Variants in CSF2RA observed in about 807,000 individuals in gnomAD.
CSF2RA encodes the protein colony stimulating factor 2 receptor subunit alpha.
CSF2RA carries 42 observed loss-of-function variants against 51.6 expected under a neutral mutation model. The observed-to-expected ratio is 0.81, with a 90% CI of 0.64 to 1.05. The LOEUF (loss-of-function observed/expected upper bound fraction) is 1.05. Among genes scored for constraint, CSF2RA ranks in the 50% least tolerant of loss-of-function variants. CSF2RA has a pLI of 0.00. For synonymous variants in CSF2RA, 222 were observed against 193.0 expected (o/e 1.15, Z -1.24); for missense variants, 530 against 501.1 (o/e 1.06, Z -0.55).
rs1403755623 is a variant in CSF2RA, at chrX:1,285,869, C to G, written c.168C>G (p.Thr56=). The change falls in exon 4 of 13, where the codon ACC becomes ACG. Residue 56 remains threonine (T), a synonymous_variant. Transcript: ENST00000381529. The part of the protein sequence containing the change: ...NLSWDCQENT[T]FSKCFLTDKK... ...GCTGGGACTGCCAAGAAAACACAAC[C>G]TTCAGCAAGTGTTTCTTAACTGACA... 3 of 1,613,926 alleles carry G rather than the reference C, an allele frequency of 1.9e-6. No individual in the cohort carries two copies. The highest frequency in any genetic ancestry group is 1.7e-6 in the Non-Finnish European group (2 of 1,179,874).
At chrX:1,291,999 G>A (rs768286669) in intron 7 of CSF2RA, among the ~76,000 whole-genome samples, 35 of 148,238 alleles carry the variant, frequency 2.4e-4, no homozygotes, top group African/African-American at 7.9e-4. Flanking sequence ...TGTAGACAAA[G>A]AGGTGTCCCT....
intron 2 of CSF2RA, among the ~76,000 whole-genome samples, chrX:1,279,044 T>C (rs1373337574): frequency 2.3e-5 from 3 of 130,668 alleles, no homozygotes; most frequent in Middle Eastern, 5.5e-3. Flanking sequence ...CTCCAAAAAA[T>C]AAATAAATAA....
chrX:1,269,818 TA>T (rs201345929), intron 1 of CSF2RA, among the ~76,000 whole-genome samples: 8,431 of 149,156 alleles, frequency 0.057, 687 homozygotes, highest in African/African-American at 0.18. Context: ...ATTAAGATAG[TA>T]AAGGGGGGCC....
the CSF2RA span, among the ~76,000 whole-genome samples, chrX:1,323,732 AG>A: frequency 6.6e-6 from 1 of 151,380 alleles, no homozygotes; most frequent in African/African-American, 2.4e-5. Context: ...AAAAAAATGC[AG>A]GCTGGGCGCA....
chrX:1,302,975 G>T (rs1164895714), intron 10 of CSF2RA: 1 of 244,830 alleles, frequency 4.1e-6, no homozygotes, highest in Non-Finnish European at 7.5e-6. Context: ...GGGTTCAAGC[G>T]ATTCTCCTGC....
At chrX:1,268,966 A>C (rs1569485638) in intron 1 of CSF2RA, 87 bp downstream of exon 1, 1 of 445,246 alleles carries the variant, frequency 2.2e-6, no homozygotes, top group Non-Finnish European at 4.5e-6. Context: ...ATAGAAAAGA[A>C]AGAGACTGAA....
At chrX:1,295,752 T>C (rs1472263858) in intron 9 of CSF2RA, among the ~76,000 whole-genome samples, 1 of 148,850 alleles carries the variant, frequency 6.7e-6, no homozygotes, top group African/African-American at 2.5e-5. Flanking sequence ...AGAGACCCAG[T>C]ATAGACAGGA....
In CSF2RA at chrX:1,285,474, A is replaced by T. The variant is rs192429870; in HGVS notation, c.77-304A>T. Among the ~76,000 whole-genome samples the T allele has an allele frequency of 2.0e-4, 31 of 151,824 alleles. No homozygotes were observed. In the East Asian group the frequency reaches 5.7e-3, roughly 28 times the overall value. On this transcript the variant is annotated intron_variant, in intron 3 of 12. Coordinates refer to ENST00000381529, the MANE Select transcript of CSF2RA (RefSeq NM_172245.4). ...TTCGGGAGGCTGAGGCAGGCGGATC[A>T]CCTGAGGTCGGCAGTTCGAGACCAG...
chrX:1,305,642 TCAC>T (rs2083486868), intron 12 of CSF2RA, 115 bp downstream of exon 12: 1 of 1,611,248 alleles, frequency 6.2e-7, no homozygotes, highest in East Asian at 2.2e-5. Flanking sequence ...GACCGCAGCG[TCAC>T]CACCGGTGTG....
At chrX:1,315,229 G>C (rs141162471), downstream of CSF2RA, among the ~76,000 whole-genome samples, 621 of 151,976 alleles carry the variant, frequency 4.1e-3, 6 homozygotes, top group African/African-American at 0.015. Flanking sequence ...GTGAAAATGG[G>C]TCTCAAAAGA....
the CSF2RA span, among the ~76,000 whole-genome samples, chrX:1,315,770 AATAGATAGATAGATAGATAGATAGATAG>A: frequency 6.4e-5 from 8 of 124,470 alleles, no homozygotes; most frequent in African/African-American, 2.0e-4. Context: ...TAAAATAGAT[AATAGATAGATAGATAGATAGATAGATAG>A]ATAGATAGAT....
intron 2 of CSF2RA, among the ~76,000 whole-genome samples, chrX:1,279,736 C>G (rs1449637746): frequency 1.3e-5 from 2 of 151,482 alleles, no homozygotes; most frequent in African/African-American, 4.9e-5. Flanking sequence ...TCTTAGCAAG[C>G]GAGGTTCCTC....
At chrX:1,312,736 C>T (rs755812228), downstream of CSF2RA, among the ~76,000 whole-genome samples, 154 of 152,200 alleles carry the variant, frequency 1.0e-3, 2 homozygotes, top group African/African-American at 3.5e-3. Context: ...ATGGATCTGA[C>T]GGTGAGGTGC....
At chrX:1,290,900 T>C (rs1199890057) in intron 7 of CSF2RA, among the ~76,000 whole-genome samples, 1 of 152,036 alleles carries the variant, frequency 6.6e-6, no homozygotes, top group Non-Finnish European at 1.5e-5. Context: ...TTTGGTGCTG[T>C]AACAAATTAG....
chrX:1,323,517 G>T, the CSF2RA span, among the ~76,000 whole-genome samples: 1 of 152,088 alleles, frequency 6.6e-6, no homozygotes, highest in Admixed American at 6.6e-5. Flanking sequence ...TGGCCACAAG[G>T]ACCTCCCAGC....
At chrX:1,302,382 C>T (rs1603433860) in intron 10 of CSF2RA, among the ~76,000 whole-genome samples, 5 of 152,168 alleles carry the variant, frequency 3.3e-5, no homozygotes, top group Admixed American at 1.3e-4. Context: ...TTGTGAGCTG[C>T]AGTGCAGTGG....
downstream of CSF2RA, among the ~76,000 whole-genome samples, chrX:1,313,343 A>G (rs2084266116): frequency 6.6e-6 from 1 of 152,114 alleles, no homozygotes; most frequent in Non-Finnish European, 1.5e-5. Flanking sequence ...CTGAGGCAGG[A>G]GAATCACTTG....
In CSF2RA at chrX:1,300,573, C is replaced by T. The variant is rs1393107041; in HGVS notation, c.893C>T (p.Ala298Val). ...GCAAAACACAGTGTGAAGATCAGAGCTGCAGACGTCCGCATCTTGAATTGG... is the reference window on the plus strand; with the variant it reads ...GCAAAACACAGTGTGAAGATCAGAGTTGCAGACGTCCGCATCTTGAATTGG... ...PRAKHSVKIRAADVRILNWSS... is the reference protein window; with the variant it reads ...PRAKHSVKIRVADVRILNWSS... The change falls in exon 10 of 13, where the codon GCT becomes GTT. Residue 298 changes from alanine to valine, a missense_variant. Physicochemically the swap from Ala to Val is moderately conservative, Grantham distance 64 (BLOSUM62 0). Coordinates refer to ENST00000381529, the MANE Select transcript of CSF2RA (RefSeq NM_172245.4). 3.7e-6 allele frequency: 6 copies of T among 1,613,930 alleles called. No individual in the cohort carries two copies. The highest frequency in any genetic ancestry group is 1.3e-5 in the African/African-American group (1 of 75,024).
chrX:1,295,758 C>T (rs1172994918), intron 9 of CSF2RA, among the ~76,000 whole-genome samples: 5 of 151,324 alleles, frequency 3.3e-5, no homozygotes, highest in African/African-American at 1.2e-4. Flanking sequence ...CCAGTATAGA[C>T]AGGAGGAGCT....
Sources: gnomAD v4.1 joint callset for allele counts (sites outside exome capture counted in the v4.1 genomes callset) on GRCh38, gnomAD v4.1.1 for gene constraint, MANE v1.5 for transcripts, NCBI Gene and HGNC (gene_info 2026-07-23, HGNC 2026-07-21) for gene names.